The following FGD3 variants were observed in gnomAD, a reference collection of about 807,000 sequenced individuals.
FGD3 encodes FYVE, RhoGEF and PH domain containing 3, also known as FYVE, RhoGEF and PH domain-containing protein 3.
In FGD3, 45 loss-of-function variants were observed where a neutral mutation model predicts 71.8. The ratio of observed to expected loss-of-function variants is 0.63; its 90% CI spans 0.49 to 0.80. The LOEUF (loss-of-function observed/expected upper bound fraction) is 0.80. Ranked by LOEUF, FGD3 falls within the 30% of genes least tolerant of loss-of-function variation. The pLI, the probability that FGD3 is intolerant of heterozygous loss-of-function variation, is 0.00. For synonymous variants in FGD3, 378 were observed against 392.8 expected, an observed-to-expected ratio of 0.96 and a Z score of 0.44; for missense variants, 844 against 951.5, an observed-to-expected ratio of 0.89 and a Z score of 1.49.
chr9:92,994,348 T>G (rs1476235784), intron 3 of FGD3, among the ~76,000 whole-genome samples: 1 of 152,210 alleles, frequency 6.6e-6, no homozygotes, highest in African/African-American at 2.4e-5. Flanking sequence ...TTTAAGTTCA[T>G]TGTAGATTCT....
chr9:93,014,556 TA>T (rs528426960), intron 9 of FGD3, among the ~76,000 whole-genome samples: 2 of 152,322 alleles, frequency 1.3e-5, no homozygotes, highest in South Asian at 4.1e-4. Flanking sequence ...TTACGTTAAC[TA>T]AAACTCATTT....
At position 92,976,360 on chromosome 9, in the gene FGD3, T is replaced by A; in HGVS notation, c.104T>A (p.Leu35His). 1 of 1,610,544 alleles carries A rather than the reference T, an allele frequency of 6.2e-7. No individual in the cohort carries two copies. The highest frequency in any genetic ancestry group is 1.1e-5 in the South Asian group (1 of 90,240). Residue 35 changes from leucine to histidine, a missense_variant, in exon 3 of 18, where the codon CTC becomes CAC. Physicochemically the swap from Leu to His is moderately conservative, Grantham distance 99. Transcript: ENST00000375482. ...GSSSLGKLQALPVGPRAHCGD... is the reference protein window; with the variant it reads ...GSSSLGKLQAHPVGPRAHCGD... Reference sequence around the variant, plus strand: ...TCCTCCCTAGGGAAGCTTCAGGCGCTCCCTGTTGGGCCCAGAGCCCACTGT... The same window carrying A: ...TCCTCCCTAGGGAAGCTTCAGGCGCACCCTGTTGGGCCCAGAGCCCACTGT...
chr9:93,028,206 ACACACACACACG>A (rs1482948925), intron 14 of FGD3, among the ~76,000 whole-genome samples: 6 of 102,300 alleles, frequency 5.9e-5, no homozygotes, highest in Non-Finnish European at 9.9e-5. Context: ...CGACACACAC[ACACACACACACG>A]CACACACACA....
intron 3 of FGD3, among the ~76,000 whole-genome samples, chr9:92,998,408 G>A (rs1300926178): frequency 6.6e-6 from 1 of 152,112 alleles, no homozygotes; most frequent in Admixed American, 6.5e-5. Context: ...TTTGCGATGG[G>A]TTCAAACATC....
In FGD3 at chr9:93,006,197, G is replaced by A; in HGVS notation, c.837+17G>A. On this transcript the variant is annotated intron_variant, in intron 6 of 17. Transcript: ENST00000375482. ...AGCATCCAGGTAAGGCCGGCAGTGGGAGTGTGGACACAGATGTTCTCAAGA... is the reference window on the plus strand; with the variant it reads ...AGCATCCAGGTAAGGCCGGCAGTGGAAGTGTGGACACAGATGTTCTCAAGA... 6.5e-7 allele frequency: 1 copy of A among 1,537,714 alleles called. No homozygotes were observed. The highest frequency in any genetic ancestry group is 8.8e-7 in the Non-Finnish European group (1 of 1,138,060).
chr9:93,020,339 A>G lies in FGD3; in HGVS notation c.1409A>G (p.Lys470Arg). 6.2e-7 allele frequency: 1 copy of G among 1,613,032 alleles called. No homozygotes were observed. Among genetic ancestry groups the G allele is most frequent in the Non-Finnish European group, 8.5e-7 (1 of 1,179,690 alleles). Residue 470 changes from lysine (K) to arginine (R), a missense_variant, in exon 13 of 18, where the codon AAG becomes AGG. Transcript: ENST00000375482. Reference protein sequence around the residue: ...WIQIIQATIEKHKQNSETFKA... With the variant: ...WIQIIQATIERHKQNSETFKA... ...CAGATCATCCAGGCCACCATCGAGA[A>G]GCACAAACAGAACAGCGAAACCTTC...
intron 13 of FGD3, among the ~76,000 whole-genome samples, chr9:93,020,902 G>T (rs10992582): frequency 6.6e-6 from 1 of 152,200 alleles, no homozygotes; most frequent in East Asian, 1.9e-4. Context: ...CCCCAGGCCC[G>T]TGGTCAGCGC....
Position 92,947,676 on chromosome 9 carries a change from G to A in FGD3, c.-271G>A, listed in dbSNP as rs74592857. 0.049 allele frequency: 7,395 copies of A among 152,350 alleles called. 332 individuals are homozygous for A. The highest frequency in any genetic ancestry group is 0.24 in the East Asian group (1,254 of 5,170). 9.4% of individuals were successfully genotyped at this position (152,350 alleles called of 1,614,324 possible). On this transcript the variant is annotated 5_prime_UTR_variant, in exon 1 of 18. Transcript: ENST00000375482. ...AGTTTGCCTGTGCGGAGCTGGGGGA[G>A]CCTCCGGCTTTCCTGTTTGCTTTGT...
At chr9:92,964,838 C>T (rs991572807) in intron 1 of FGD3, among the ~76,000 whole-genome samples, 4 of 152,148 alleles carry the variant, frequency 2.6e-5, no homozygotes, top group South Asian at 2.1e-4. Flanking sequence ...GGGGGTAGCG[C>T]GAGCCTTCCT....
intron 8 of FGD3, among the ~76,000 whole-genome samples, chr9:93,012,882 C>T (rs1861491782): frequency 6.6e-6 from 1 of 151,566 alleles, no homozygotes; most frequent in Non-Finnish European, 1.5e-5. Flanking sequence ...TCTTAGTGCA[C>T]ACCAGGTGCT....
intron 3 of FGD3, among the ~76,000 whole-genome samples, chr9:92,993,726 C>G (rs1045903211): frequency 2.0e-5 from 3 of 152,076 alleles, no homozygotes; most frequent in African/African-American, 4.8e-5. Context: ...TTTGGTTTTC[C>G]GTCCTTGCGA....
intron 1 of FGD3, among the ~76,000 whole-genome samples, chr9:92,951,317 G>A (rs1858950275): frequency 6.6e-6 from 1 of 152,178 alleles, no homozygotes. Flanking sequence ...ATGCCAGCTA[G>A]ACACAACCCA....
intron 14 of FGD3, among the ~76,000 whole-genome samples, chr9:93,024,936 G>A (rs1054695293): frequency 1.3e-5 from 2 of 152,262 alleles, no homozygotes; most frequent in African/African-American, 4.8e-5. Context: ...CGCCTCTTGA[G>A]CCTCACTTGG....
intron 1 of FGD3, among the ~76,000 whole-genome samples, chr9:92,967,650 C>T (rs1465775896): frequency 1.3e-5 from 2 of 152,218 alleles, no homozygotes; most frequent in Admixed American, 6.5e-5. Context: ...TCTCAGCTCA[C>T]TGCTACCTCT....
intron 7 of FGD3, 138 bp downstream of exon 7, chr9:93,010,522 A>T: frequency 1.1e-6 from 1 of 877,964 alleles, no homozygotes; most frequent in Non-Finnish European, 1.6e-6. Context: ...AGGGAAAGAG[A>T]CAGAGACAGA....
At chr9:93,018,355 A>G (rs1479385184) in intron 11 of FGD3, 140 bp downstream of exon 11, 20 of 746,342 alleles carry the variant, frequency 2.7e-5, no homozygotes, top group Non-Finnish European at 4.3e-5. Flanking sequence ...GGTTCCGTCT[A>G]TGTCCTGCGC....
At chr9:93,011,347 C>A (rs1861363718) in intron 8 of FGD3, 75 bp downstream of exon 8, 1 of 1,562,828 alleles carries the variant, frequency 6.4e-7, no homozygotes, top group Non-Finnish European at 8.8e-7. Context: ...TGTGGGCCAG[C>A]CCCTTTGCCG....
intron 6 of FGD3, among the ~76,000 whole-genome samples, chr9:93,007,229 T>TA (rs1053117320): frequency 1.2e-4 from 19 of 152,064 alleles, no homozygotes; most frequent in African/African-American, 4.6e-4. Flanking sequence ...TAGCTGGGAC[T>TA]ACAGGCGCCC....
Position 93,034,654 on chromosome 9 carries a change from G to A in FGD3, c.1899G>A (p.Gln633=), listed in dbSNP as rs773168566. 3 of 1,613,180 alleles carry A rather than the reference G, an allele frequency of 1.9e-6. No individual in the cohort carries two copies. In the East Asian group the frequency reaches 6.7e-5, roughly 36 times the overall value. ...CCGCCATCCCCATGTCAGATCCCCAGGTGCTGCACCTGCAGGGAGGCAGCC... is the reference window on the plus strand; with the variant it reads ...CCGCCATCCCCATGTCAGATCCCCAAGTGCTGCACCTGCAGGGAGGCAGCC... ...VWAAIPMSDP[Q]VLHLQGGSQD... is the part of the protein sequence containing the mutation. The change falls in exon 17 of 18, where the codon CAG becomes CAA. Residue 633 remains glutamine, a synonymous_variant. Coordinates refer to ENST00000375482, the MANE Select transcript of FGD3 (RefSeq NM_001083536.2).
Sources: gnomAD v4.1 joint callset for allele counts (sites outside exome capture counted in the v4.1 genomes callset) on GRCh38, gnomAD v4.1.1 for gene constraint, MANE v1.5 for transcripts, NCBI Gene and HGNC (gene_info 2026-07-23, HGNC 2026-07-21) for gene names.